PRELID2: variants seen among roughly 807,000 people sequenced by gnomAD.
PRELID2 encodes PRELI domain containing 2, also known as PRELI domain-containing protein 2.
PRELID2 carries 25 observed loss-of-function variants against 28.4 expected under a neutral mutation model. The ratio of observed to expected loss-of-function variants is 0.88; its 90% CI spans 0.64 to 1.23. The LOEUF (loss-of-function observed/expected upper bound fraction) is 1.23. Ranked by LOEUF, PRELID2 falls within the 50% of genes most tolerant of loss-of-function variation. The pLI, the probability that PRELID2 is intolerant of heterozygous loss-of-function variation, is 0.00. For missense variants in PRELID2, 201 were observed against 214.4 expected, an observed-to-expected ratio of 0.94 and a Z score of 0.39; for synonymous variants, 76 against 71.6, an observed-to-expected ratio of 1.06 and a Z score of -0.31.
the PRELID2 span, among the ~76,000 whole-genome samples, chr5:145,460,719 T>C: frequency 6.6e-6 from 1 of 152,188 alleles, no homozygotes; most frequent in Non-Finnish European, 1.5e-5. Flanking sequence ...TTAAATACAT[T>C]TCACACAGTC....
chr5:145,752,382 A>G (rs1757146373), downstream of PRELID2, among the ~76,000 whole-genome samples: 1 of 152,208 alleles, frequency 6.6e-6, no homozygotes, highest in African/African-American at 2.4e-5. Flanking sequence ...GTTTAATGCA[A>G]TCGGAAACCA....
the PRELID2 span, among the ~76,000 whole-genome samples, chr5:145,295,915 C>T: frequency 1.3e-5 from 2 of 152,016 alleles, no homozygotes; most frequent in Non-Finnish European, 2.9e-5. Flanking sequence ...TGAATTAGGA[C>T]TTAGGAAAAT....
chr5:145,311,860 C>A, the PRELID2 span, among the ~76,000 whole-genome samples: 1 of 152,020 alleles, frequency 6.6e-6, no homozygotes, highest in Non-Finnish European at 1.5e-5. Flanking sequence ...AATGCAGATT[C>A]TCATAACAGA....
At chr5:145,819,245 G>T in intron 3 of PRELID2, 1 of 677,620 alleles carries the variant, frequency 1.5e-6, no homozygotes, top group Non-Finnish European at 2.6e-6. Flanking sequence ...TCTCTCTTGG[G>T]TTGAAACTAC....
chr5:145,563,955 G>C (rs945322680), intron 1 of PRELID2, among the ~76,000 whole-genome samples: 1 of 152,214 alleles, frequency 6.6e-6, no homozygotes, highest in African/African-American at 2.4e-5. Flanking sequence ...TATAAGAAGA[G>C]ATGGATATAT....
chr5:145,244,298 C>A, the PRELID2 span, among the ~76,000 whole-genome samples: 1 of 151,990 alleles, frequency 6.6e-6, no homozygotes, highest in Admixed American at 6.6e-5. Context: ...TATACTTGCC[C>A]AGTCCTCTAC....
rs375990202 is a variant in PRELID2, at chr5:145,726,303, GAA to G, written n.70+38626_70+38627del. On this transcript the variant is annotated intron_variant and non_coding_transcript_variant, in intron 1 of 2. Transcript: ENST00000510259. ...AGAGACAGAAAGAAAGAAAGAAAAAGAAAGAGAGAGAGAGAGAAAGAGAGAAA... is the reference window on the plus strand; with the variant it reads ...AGAGACAGAAAGAAAGAAAGAAAAAGAGAGAGAGAGAGAGAAAGAGAGAAA... Among the ~76,000 whole-genome samples, 471 of 142,828 alleles carry G rather than the reference GAA, an allele frequency of 3.3e-3. 1 individual carries two copies. Among genetic ancestry groups the G allele is most frequent in the African/African-American group, 0.013 (437 of 34,836 alleles). The allele number at this position is 142,828 out of a possible 152,430, so 93.7% of individuals were successfully genotyped here. A position where few individuals can be genotyped will look rare whatever the true frequency, so the allele number is the denominator to read the frequency against.
intron 1 of PRELID2, among the ~76,000 whole-genome samples, chr5:145,513,713 A>T (rs1366489588): frequency 6.6e-6 from 1 of 152,298 alleles, no homozygotes; most frequent in East Asian, 1.9e-4. Context: ...CATGCTTAGA[A>T]TTAAGGAAAA....
the PRELID2 span, among the ~76,000 whole-genome samples, chr5:145,290,521 G>A: frequency 1.3e-5 from 2 of 148,596 alleles, no homozygotes; most frequent in South Asian, 2.2e-4. Flanking sequence ...AACACCACAT[G>A]TTCTCACTCA....
At chr5:145,261,670 T>G in the PRELID2 span, among the ~76,000 whole-genome samples, 1 of 152,188 alleles carries the variant, frequency 6.6e-6, no homozygotes, top group African/African-American at 2.4e-5. Flanking sequence ...GAGTACCCTG[T>G]GGGACAAAAG....
At chr5:145,638,950 T>C (rs1402253221) in intron 1 of PRELID2, among the ~76,000 whole-genome samples, 1 of 152,226 alleles carries the variant, frequency 6.6e-6, no homozygotes, top group Non-Finnish European at 1.5e-5. Flanking sequence ...CATGATTTTG[T>C]GGGCCAGCTA....
the PRELID2 span, among the ~76,000 whole-genome samples, chr5:145,434,503 T>C: frequency 2.0e-5 from 3 of 152,222 alleles, no homozygotes; most frequent in African/African-American, 4.8e-5. Context: ...AGTCTCAGCA[T>C]TGCCAGGCTC....
intron 1 of PRELID2, among the ~76,000 whole-genome samples, chr5:145,549,031 C>A (rs562831346): frequency 1.3e-5 from 2 of 152,318 alleles, no homozygotes; most frequent in East Asian, 1.9e-4. Flanking sequence ...TCTCCTGTCA[C>A]CTCACTAACT....
intron 1 of PRELID2, among the ~76,000 whole-genome samples, chr5:145,644,432 T>C (rs1472419087): frequency 6.6e-6 from 1 of 151,790 alleles, no homozygotes; most frequent in African/African-American, 2.4e-5. Context: ...GCTAGCAGTT[T>C]ATCTATTTTG....
chr5:145,768,054 G>A (rs141992025), intron 5 of PRELID2, among the ~76,000 whole-genome samples: 2,316 of 151,834 alleles, frequency 0.015, 71 homozygotes, highest in African/African-American at 0.053. Context: ...GTGAAACCCC[G>A]TCTCTACTAA....
the PRELID2 span, among the ~76,000 whole-genome samples, chr5:145,408,683 G>T: frequency 1.3e-5 from 2 of 151,794 alleles, no homozygotes; most frequent in Admixed American, 6.6e-5. Flanking sequence ...AAAAGCAATT[G>T]TAAAAATGAA....
chr5:145,391,340 A>G, the PRELID2 span, among the ~76,000 whole-genome samples: 1,095 of 152,306 alleles, frequency 7.2e-3, 16 homozygotes, highest in African/African-American at 0.025. Flanking sequence ...AAATTCCCCA[A>G]GGCTTGGGGT....
At chr5:145,453,614 T>G in the PRELID2 span, among the ~76,000 whole-genome samples, 1 of 152,116 alleles carries the variant, frequency 6.6e-6, no homozygotes, top group African/African-American at 2.4e-5. Context: ...ATCTCACCCC[T>G]AGACCCCCAA....
intron 1 of PRELID2, among the ~76,000 whole-genome samples, chr5:145,534,089 G>T (rs1752680029): frequency 6.6e-6 from 1 of 151,958 alleles, no homozygotes; most frequent in Non-Finnish European, 1.5e-5. Context: ...TGTAGTAAAA[G>T]GAAATGGCAA....
Sources: allele counts gnomAD v4.1 joint callset (sites outside exome capture counted in the v4.1 genomes callset), GRCh38; gene constraint gnomAD v4.1.1; transcripts MANE v1.5; gene names NCBI Gene and HGNC (gene_info 2026-07-23, HGNC 2026-07-21).